USP31: variants seen among roughly 807,000 people sequenced by gnomAD.
The protein encoded by USP31 is ubiquitin carboxyl-terminal hydrolase 31.
USP31 carries 44 observed loss-of-function variants against 119.4 expected under a neutral mutation model. That is an observed-to-expected ratio of 0.37 (90% CI 0.29 to 0.47). The LOEUF is 0.47. Among genes scored for constraint, USP31 ranks in the 20% least tolerant of loss-of-function variants. The probability of loss-of-function intolerance (pLI) is 0.99; values close to 1 mark genes in which losing one functional copy is unlikely to be tolerated. For missense variants in USP31, 1,643 were observed against 1,730.2 expected (o/e 0.95, Z 0.89); for synonymous variants, 749 against 705.6 (o/e 1.06, Z -0.97).
intron 7 of USP31, among the ~76,000 whole-genome samples, chr16:23,090,172 G>T (rs1358269444): frequency 6.6e-6 from 1 of 152,090 alleles, no homozygotes; most frequent in African/African-American, 2.4e-5. Context: ...ATCGTCTGAG[G>T]TCAGGAGTTT....
At chr16:23,111,414 C>A (rs1902312610) in intron 1 of USP31, among the ~76,000 whole-genome samples, 1 of 152,018 alleles carries the variant, frequency 6.6e-6, no homozygotes, top group South Asian at 2.1e-4. Context: ...CTGGTAGTAC[C>A]CTGCATCAAG....
chr16:23,083,694 G>A (rs568964651), intron 11 of USP31, among the ~76,000 whole-genome samples: 45 of 76,650 alleles, frequency 5.9e-4, no homozygotes, highest in Non-Finnish European at 1.2e-3. Context: ...TGCAAACCTG[G>A]CGGGGGGGGG....
intron 2 of USP31, 52 bp downstream of exon 2, chr16:23,107,994 T>G (rs1327825768): frequency 1.5e-5 from 23 of 1,559,230 alleles, no homozygotes; most frequent in Non-Finnish European, 1.9e-5. Context: ...AGTAGAAGAA[T>G]CTACACACTC....
At chr16:23,122,745 G>C (rs954202887) in intron 1 of USP31, among the ~76,000 whole-genome samples, 1 of 152,116 alleles carries the variant, frequency 6.6e-6, no homozygotes, top group African/African-American at 2.4e-5. Flanking sequence ...ACCCAGACTA[G>C]ATAGAGACAC....
chr16:23,120,672 T>G (rs765705392), intron 1 of USP31, among the ~76,000 whole-genome samples: 1 of 152,224 alleles, frequency 6.6e-6, no homozygotes, highest in Non-Finnish European at 1.5e-5. Context: ...GTGGCAGCTT[T>G]CTGAGCAAGT....
intron 1 of USP31, among the ~76,000 whole-genome samples, chr16:23,114,485 G>T (rs973455464): frequency 6.7e-6 from 1 of 149,600 alleles, no homozygotes; most frequent in Non-Finnish European, 1.5e-5. Context: ...TTTCAACATA[G>T]ACATTCCAAA....
chr16:23,068,693 T>A lies in USP31; in HGVS notation c.3412A>T (p.Thr1138Ser). Residue 1138 changes from threonine (T) to serine (S), a missense_variant, in exon 16 of 16, where the codon ACA becomes TCA. Transcript: ENST00000219689. ...TSAKKASGPA[T>S]RSPFPPGKSR... ...TTCCCAGGTGGGAAAGGGCTCCTTG[T>A]GGCAGGGCCCGAGGCCTTTTTGGCA... 1 of 1,614,088 alleles carries A rather than the reference T, an allele frequency of 6.2e-7. No homozygotes were observed. The highest frequency in any genetic ancestry group is 8.5e-7 in the Non-Finnish European group (1 of 1,179,972).
chr16:23,134,806 T>C (rs922966769), intron 1 of USP31, among the ~76,000 whole-genome samples: 2 of 151,694 alleles, frequency 1.3e-5, no homozygotes, highest in African/African-American at 2.4e-5. Flanking sequence ...CTTTCTGTAA[T>C]ATACAAAAGT....
intron 6 of USP31, among the ~76,000 whole-genome samples, chr16:23,101,987 A>C (rs1901890858): frequency 6.7e-6 from 1 of 149,966 alleles, no homozygotes; most frequent in Non-Finnish European, 1.5e-5. Flanking sequence ...AAAAAAAAAA[A>C]AAAAAAAACC....
intron 13 of USP31, chr16:23,079,096 A>G (rs1176123796): frequency 6.6e-6 from 1 of 152,236 alleles, no homozygotes; most frequent in African/African-American, 2.4e-5. Flanking sequence ...TTAGGTACAG[A>G]GTTTAAGTCT....
chr16:23,109,391 A>T (rs1477685648), intron 1 of USP31, among the ~76,000 whole-genome samples: 2 of 152,216 alleles, frequency 1.3e-5, no homozygotes, highest in African/African-American at 2.4e-5. Context: ...GAACAATCTG[A>T]TCAACAGAAT....
intron 6 of USP31, among the ~76,000 whole-genome samples, chr16:23,093,375 T>C (rs1379729142): frequency 6.6e-6 from 1 of 152,170 alleles, no homozygotes; most frequent in East Asian, 1.9e-4. Context: ...GAAAAAGGCT[T>C]GAATAGACAT....
chr16:23,149,325 C>T lies in USP31; in HGVS notation c.-55G>A, dbSNP rs1468822933. ...CCCGCCCGCCCGGCCCGCGGCCCCG[C>T]CACGGCCGCCGCCGCATCCCGCAGC... On this transcript the variant is annotated 5_prime_UTR_variant, in exon 1 of 16. It introduces an in-frame stop codon into an upstream open reading frame of the 5' UTR. Coordinates refer to ENST00000219689, the MANE Select transcript of USP31 (RefSeq NM_020718.4). The T allele has an allele frequency of 4.0e-6, 4 of 1,011,642 alleles. No homozygotes were observed. The highest frequency in any genetic ancestry group is 2.4e-6 in the Non-Finnish European group (2 of 848,980). The allele number at this position is 1,011,642 out of a possible 1,614,324, so 62.7% of individuals were successfully genotyped here. A position where few individuals can be genotyped will look rare whatever the true frequency, so the allele number is the denominator to read the frequency against.
Position 23,063,806 on chromosome 16 carries a change from CT to C in USP31, c.*4239del, listed in dbSNP as rs1899952854. 1 of 151,672 alleles carries C rather than the reference CT, an allele frequency of 6.6e-6. No individual in the cohort carries two copies. Among genetic ancestry groups the C allele is most frequent in the Admixed American group, 6.6e-5 (1 of 15,230 alleles). 9.4% of individuals were successfully genotyped at this position (151,672 alleles called of 1,614,324 possible). On this transcript the variant is annotated 3_prime_UTR_variant, in exon 16 of 16. Transcript: ENST00000219689. ...TGCTTGCATAGGTAGTAAGAGCATG[CT>C]TTCTGAGTTATATGGAGGCCACGCA... is the stretch of plus-strand genomic sequence containing the variant.
At chr16:23,122,643 T>C (rs1395408058) in intron 1 of USP31, among the ~76,000 whole-genome samples, 1 of 152,220 alleles carries the variant, frequency 6.6e-6, no homozygotes, top group African/African-American at 2.4e-5. Flanking sequence ...TAGTACGATA[T>C]ATACTACAAC....
chr16:23,148,729 T>G lies in USP31; in HGVS notation c.542A>C (p.Gln181Pro). ...CTGCTCAGTGACCTCGCCCTGGCCCTGCGCGCCGCGGCCCGCAGGCTGCTC... is the reference window on the plus strand; with the variant it reads ...CTGCTCAGTGACCTCGCCCTGGCCCGGCGCGCCGCGGCCCGCAGGCTGCTC... ...DPEQPAGRGA[Q>P]GQGEVTEQLA... Residue 181 changes from glutamine to proline, a missense_variant, in exon 1 of 16, where the codon CAG becomes CCG. By Grantham distance (76) the Gln-to-Pro change is moderately conservative. This residue lies in a region of USP31 where 302 missense variants were observed against 262.6 expected (regional missense o/e 1.15). Coordinates refer to ENST00000219689, the MANE Select transcript of USP31 (RefSeq NM_020718.4). 6.7e-7 allele frequency: 1 copy of G among 1,483,046 alleles called. No homozygotes were observed. Among genetic ancestry groups the G allele is most frequent in the Admixed American group, 2.5e-5 (1 of 39,332 alleles). 91.9% of individuals were successfully genotyped at this position (1,483,046 alleles called of 1,614,324 possible).
intron 6 of USP31, among the ~76,000 whole-genome samples, chr16:23,091,574 T>C (rs1901363176): frequency 6.6e-6 from 1 of 152,108 alleles, no homozygotes; most frequent in South Asian, 2.1e-4. Flanking sequence ...AGAAAGAGAA[T>C]AAAATACAAA....
intron 2 of USP31, 102 bp from the exon 3 acceptor site, chr16:23,106,589 T>C: frequency 8.3e-7 from 1 of 1,204,290 alleles, no homozygotes; most frequent in Non-Finnish European, 1.2e-6. Flanking sequence ...CTTTACAAGC[T>C]ATGCATCAAG....
At chr16:23,146,389 T>C (rs562408592) in intron 1 of USP31, among the ~76,000 whole-genome samples, 202 of 152,156 alleles carry the variant, frequency 1.3e-3, no homozygotes, top group Non-Finnish European at 2.0e-3. Flanking sequence ...ACTGGGCATG[T>C]AGCGGGCGCC....
Sources: gnomAD v4.1 joint callset for allele counts (sites outside exome capture counted in the v4.1 genomes callset) on GRCh38, gnomAD v4.1.1 for gene constraint, gnomAD v4.1.1 regional missense constraint, MANE v1.5 for transcripts, NCBI Gene and HGNC (gene_info 2026-07-23, HGNC 2026-07-21) for gene names.